The following DIS3L2 variants were observed in gnomAD, a reference collection of about 807,000 sequenced individuals.
DIS3L2 encodes the protein DIS3-like exonuclease 2.
In DIS3L2, 34 loss-of-function variants were observed where a neutral mutation model predicts 97.5. That is an observed-to-expected ratio of 0.35 (90% CI 0.27 to 0.46). The LOEUF (loss-of-function observed/expected upper bound fraction) is 0.46. Ranked by LOEUF, DIS3L2 falls within the 20% of genes least tolerant of loss-of-function variation. The probability of loss-of-function intolerance (pLI) is 1.00; values close to 1 mark genes in which losing one functional copy is unlikely to be tolerated. For missense variants in DIS3L2, 1,038 were observed against 1,146.0 expected (o/e 0.91, Z 1.36); for synonymous variants, 435 against 445.2 (o/e 0.98, Z 0.29).
chr2:232,228,186 C>T (rs186403825), intron 10 of DIS3L2, among the ~76,000 whole-genome samples: 1 of 152,268 alleles, frequency 6.6e-6, no homozygotes, highest in African/African-American at 2.4e-5. Context: ...GGCTAGTCTC[C>T]AACTCCTGAC....
At chr2:232,056,360 A>G (rs1164041325) in intron 5 of DIS3L2, among the ~76,000 whole-genome samples, 1 of 115,696 alleles carries the variant, frequency 8.6e-6, no homozygotes, top group African/African-American at 2.9e-5. Context: ...GCAAGACTCC[A>G]TCTCAAAACA....
intron 10 of DIS3L2, among the ~76,000 whole-genome samples, chr2:232,217,594 T>A (rs1485249019): frequency 1.3e-5 from 2 of 152,216 alleles, no homozygotes; most frequent in East Asian, 3.8e-4. Context: ...AAGTTTGGGA[T>A]CCTGCAACCC....
chr2:232,004,492 A>T (rs1435624367), intron 1 of DIS3L2, among the ~76,000 whole-genome samples: 1 of 151,216 alleles, frequency 6.6e-6, no homozygotes, highest in Non-Finnish European at 1.5e-5. Context: ...AAACTCCTTG[A>T]GTGTTTATTC....
At position 232,318,192 on chromosome 2, in the gene DIS3L2, G is replaced by A. The variant is rs555301501; in HGVS notation, c.1740-11621G>A. ...CCCAGGAAGCTGGGCTCAAACAAGG[G>A]TAACTTGCAAGAATCTTCAGGAAGC... On this transcript the variant is annotated intron_variant, in intron 14 of 20. Coordinates refer to ENST00000325385, the MANE Select transcript of DIS3L2 (RefSeq NM_152383.5). Among the ~76,000 whole-genome samples, 97 of 152,352 alleles carry A rather than the reference G, an allele frequency of 6.4e-4. 1 individual carries two copies. In the South Asian group the frequency reaches 0.019, roughly 29 times the overall value.
At chr2:232,189,379 A>G (rs927224045) in intron 9 of DIS3L2, among the ~76,000 whole-genome samples, 14 of 152,252 alleles carry the variant, frequency 9.2e-5, no homozygotes, top group African/African-American at 2.9e-4. Flanking sequence ...CATATTACTG[A>G]ATGGTACTTG....
chr2:232,076,719 G>T (rs1286410095), intron 5 of DIS3L2, among the ~76,000 whole-genome samples: 1 of 152,096 alleles, frequency 6.6e-6, no homozygotes, highest in Non-Finnish European at 1.5e-5. Context: ...AGAATAAAAA[G>T]AAGTTTTAAT....
chr2:232,049,305 C>T (rs1695334554), intron 5 of DIS3L2, among the ~76,000 whole-genome samples: 1 of 151,972 alleles, frequency 6.6e-6, no homozygotes, highest in Non-Finnish European at 1.5e-5. Context: ...AGAAATTATT[C>T]AAATGGATTC....
chr2:232,171,951 C>T (rs1428606887), intron 9 of DIS3L2, among the ~76,000 whole-genome samples: 1 of 152,016 alleles, frequency 6.6e-6, no homozygotes, highest in African/African-American at 2.4e-5. Context: ...TGAATTTATT[C>T]CCTAGAAATA....
At chr2:232,188,606 T>C (rs1238627957) in intron 9 of DIS3L2, among the ~76,000 whole-genome samples, 1 of 152,180 alleles carries the variant, frequency 6.6e-6, no homozygotes, top group Non-Finnish European at 1.5e-5. Flanking sequence ...AAGTATAAAA[T>C]GTAAAAGTAT....
intron 8 of DIS3L2, among the ~76,000 whole-genome samples, chr2:232,153,997 G>A (rs1198463311): frequency 1.4e-5 from 2 of 141,748 alleles, no homozygotes; most frequent in Non-Finnish European, 3.1e-5. Flanking sequence ...GATCGCATCG[G>A]CTCCTGAGGC....
At chr2:232,331,345 C>T (rs1695730302) in intron 16 of DIS3L2, among the ~76,000 whole-genome samples, 1 of 152,186 alleles carries the variant, frequency 6.6e-6, no homozygotes, top group South Asian at 2.1e-4. Context: ...CCCAGAGGAC[C>T]CTCGGGTCAG....
At chr2:232,071,197 A>G (rs1696006441) in intron 5 of DIS3L2, among the ~76,000 whole-genome samples, 1 of 152,172 alleles carries the variant, frequency 6.6e-6, no homozygotes, top group Admixed American at 6.5e-5. Flanking sequence ...TCAGAAAGAG[A>G]GAGACAGATC....
intron 1 of DIS3L2, among the ~76,000 whole-genome samples, chr2:231,985,281 A>G (rs1288152032): frequency 6.6e-6 from 1 of 152,014 alleles, no homozygotes; most frequent in Non-Finnish European, 1.5e-5. Flanking sequence ...TAAGCACTAA[A>G]CTCTATAATT....
At chr2:232,204,208 G>A (rs1461642515) in intron 9 of DIS3L2, among the ~76,000 whole-genome samples, 2 of 152,276 alleles carry the variant, frequency 1.3e-5, no homozygotes, top group East Asian at 3.9e-4. Flanking sequence ...TTGCTGTGGC[G>A]ACTAGACAGC....
chr2:232,331,595 G>A (rs1695739498), intron 16 of DIS3L2: 1 of 152,222 alleles, frequency 6.6e-6, no homozygotes, highest in South Asian at 2.1e-4. Flanking sequence ...TGTCTGCCCA[G>A]CCAAGCACCT....
At chr2:232,316,494 C>G (rs1240139098) in intron 14 of DIS3L2, among the ~76,000 whole-genome samples, 2 of 152,172 alleles carry the variant, frequency 1.3e-5, no homozygotes, top group African/African-American at 4.8e-5. Context: ...GTAGCACCCT[C>G]TCCAGCCACT....
At chr2:232,027,056 C>T (rs537396278) in intron 4 of DIS3L2, among the ~76,000 whole-genome samples, 25 of 152,216 alleles carry the variant, frequency 1.6e-4, no homozygotes, top group African/African-American at 5.3e-4. Context: ...GTTTTGGACA[C>T]GGGAACAGTC....
chr2:232,250,299 A>T (rs1693382417), intron 12 of DIS3L2, among the ~76,000 whole-genome samples: 1 of 152,082 alleles, frequency 6.6e-6, no homozygotes, highest in Non-Finnish European at 1.5e-5. Flanking sequence ...ATTTACTTTC[A>T]TTCCCTCCCA....
chr2:232,337,166 C>T lies in DIS3L2; in HGVS notation c.*536C>T, dbSNP rs1559222394. On this transcript the variant is annotated 3_prime_UTR_variant, in exon 21 of 21. Transcript: ENST00000325385. Reference sequence around the variant, plus strand: ...GATTGATACTGGAGTCTCATTCTGCCTGATTAAAAATGGAATTAGTATGCA... The same window carrying T: ...GATTGATACTGGAGTCTCATTCTGCTTGATTAAAAATGGAATTAGTATGCA... 9 of 996,838 alleles carry T rather than the reference C, an allele frequency of 9.0e-6. 2 individuals are homozygous for T. In the South Asian group the frequency reaches 3.6e-4, roughly 40 times the overall value. The allele number at this position is 996,838 out of a possible 1,614,324, so 61.7% of individuals were successfully genotyped here. A position where few individuals can be genotyped will look rare whatever the true frequency, so the allele number is the denominator to read the frequency against.
Sources: gnomAD v4.1 joint callset for allele counts (sites outside exome capture counted in the v4.1 genomes callset) on GRCh38, gnomAD v4.1.1 for gene constraint, MANE v1.5 for transcripts, NCBI Gene and HGNC (gene_info 2026-07-23, HGNC 2026-07-21) for gene names.